The following ADGRB3 variants were observed in gnomAD, a reference collection of about 807,000 sequenced individuals.
ADGRB3 encodes the protein adhesion G protein-coupled receptor B3.
In ADGRB3, 37 loss-of-function variants were observed where a neutral mutation model predicts 193.4. The ratio of observed to expected loss-of-function variants is 0.19; its 90% CI spans 0.15 to 0.25. ADGRB3 has a LOEUF of 0.25. Ranked by LOEUF, ADGRB3 falls within the 10% of genes least tolerant of loss-of-function variation. The probability of loss-of-function intolerance (pLI) is 1.00; values close to 1 mark genes in which losing one functional copy is unlikely to be tolerated. For missense variants in ADGRB3, 1,637 were observed against 1,852.9 expected (o/e 0.88, Z 2.14); for synonymous variants, 690 against 644.2 (o/e 1.07, Z -1.08).
chr6:69,217,355 C>A (rs1765790845), intron 17 of ADGRB3, among the ~76,000 whole-genome samples: 1 of 151,964 alleles, frequency 6.6e-6, no homozygotes, highest in African/African-American at 2.4e-5. Flanking sequence ...TAAGATAAAT[C>A]TGTATAATGA....
At chr6:69,158,814 T>G (rs1774914144) in intron 17 of ADGRB3, among the ~76,000 whole-genome samples, 1 of 152,146 alleles carries the variant, frequency 6.6e-6, no homozygotes, top group African/African-American at 2.4e-5. Flanking sequence ...GGAGCTGGTC[T>G]TCTTGCAACT....
At chr6:68,852,794 A>G (rs1334304965) in intron 3 of ADGRB3, among the ~76,000 whole-genome samples, 1 of 152,036 alleles carries the variant, frequency 6.6e-6, no homozygotes, top group Middle Eastern at 3.2e-3. Context: ...AGACTAGATA[A>G]CTAATTTAGT....
chr6:68,846,803 G>A (rs1213343112), intron 3 of ADGRB3, among the ~76,000 whole-genome samples: 1 of 152,022 alleles, frequency 6.6e-6, no homozygotes, highest in Admixed American at 6.6e-5. Flanking sequence ...TAGGGTCAGA[G>A]CCCTCACACA....
At chr6:68,740,224 G>A (rs932661843) in intron 3 of ADGRB3, among the ~76,000 whole-genome samples, 7 of 152,154 alleles carry the variant, frequency 4.6e-5, no homozygotes, top group Admixed American at 3.3e-4. Flanking sequence ...AGTGTTGTGT[G>A]TCTGGGCAGG....
chr6:69,096,384 T>C (rs1302564912), intron 17 of ADGRB3, among the ~76,000 whole-genome samples: 111 of 149,288 alleles, frequency 7.4e-4, no homozygotes, highest in African/African-American at 2.6e-3. Flanking sequence ...TTTTTGCTTA[T>C]CTTTATTAAA....
intron 16 of ADGRB3, among the ~76,000 whole-genome samples, chr6:69,064,176 A>G (rs1451834347): frequency 6.6e-6 from 1 of 151,984 alleles, no homozygotes; most frequent in East Asian, 1.9e-4. Context: ...TTTTCTGTGA[A>G]TCACTTTTTC....
At chr6:69,321,035 C>T (rs1768445740) in intron 20 of ADGRB3, among the ~76,000 whole-genome samples, 1 of 151,756 alleles carries the variant, frequency 6.6e-6, no homozygotes, top group South Asian at 2.1e-4. Flanking sequence ...CTTCCCATGT[C>T]TTCATTCCTG....
chr6:69,377,083 TC>T (rs535283308), intron 30 of ADGRB3, among the ~76,000 whole-genome samples: 36 of 152,086 alleles, frequency 2.4e-4, no homozygotes, highest in Middle Eastern at 3.4e-3. Flanking sequence ...AAGGAAATCA[TC>T]CCCCTTTCAC....
In ADGRB3 at chr6:69,064,446, C is replaced by T. The variant is rs375776871; in HGVS notation, c.2436+1410C>T. The stretch of plus-strand genomic sequence containing the variant: ...TACTAGTTCTATCTAACCTTAAGAA[C>T]GTGTTTTAGTTCTACAATATCTACC... On this transcript the variant is annotated intron_variant, in intron 16 of 31. Transcript: ENST00000370598. 1.3e-3 allele frequency among the ~76,000 whole-genome samples: 190 copies of T among 151,904 alleles called. 1 individual carries two copies. The highest frequency in any genetic ancestry group is 4.5e-3 in the African/African-American group (187 of 41,500).
chr6:68,644,459 C>T (rs1768156577), intron 3 of ADGRB3, among the ~76,000 whole-genome samples: 1 of 152,038 alleles, frequency 6.6e-6, no homozygotes, highest in Admixed American at 6.6e-5. Flanking sequence ...GACTTCATTT[C>T]TCTCTCTGTT....
chr6:69,234,992 A>G (rs1766229305), intron 18 of ADGRB3, 40 bp from the exon 19 acceptor site: 1 of 1,511,820 alleles, frequency 6.6e-7, no homozygotes, highest in Non-Finnish European at 9.2e-7. Flanking sequence ...TAATTTATTA[A>G]AAACCAATTT....
chr6:69,033,496 C>A (rs1232472316), intron 13 of ADGRB3, among the ~76,000 whole-genome samples: 2 of 152,106 alleles, frequency 1.3e-5, no homozygotes, highest in Non-Finnish European at 2.9e-5. Flanking sequence ...TAACTGAAGT[C>A]TTTTGAATAG....
intron 28 of ADGRB3, among the ~76,000 whole-genome samples, chr6:69,359,709 A>G (rs546119533): frequency 6.6e-6 from 1 of 151,938 alleles, no homozygotes; most frequent in Non-Finnish European, 1.5e-5. Flanking sequence ...TTTTATGAGG[A>G]GACAATAAAC....
intron 8 of ADGRB3, among the ~76,000 whole-genome samples, chr6:68,963,918 C>T (rs1452397752): frequency 2.0e-5 from 3 of 152,118 alleles, no homozygotes; most frequent in East Asian, 1.9e-4. Flanking sequence ...CCTTCTGAAT[C>T]CCTGATTCTT....
chr6:68,659,416 G>T (rs1266285822), intron 3 of ADGRB3, among the ~76,000 whole-genome samples: 6 of 149,962 alleles, frequency 4.0e-5, no homozygotes, highest in African/African-American at 9.7e-5. Context: ...TTAATTATCT[G>T]TAAAGTACAT....
In ADGRB3 at chr6:68,764,175, A is replaced by G. The variant is rs1426989452; in HGVS notation, c.757+124743A>G. 5.3e-5 allele frequency among the ~76,000 whole-genome samples: 8 copies of G among 152,342 alleles called. No individual in the cohort carries two copies. The East Asian group carries it at 9.6e-4, about 18-fold the overall frequency. ...CTCTCATGCGATCTCGACCATCAGTATTTAATGTTCTTGCCAAGATCTGGT... is the reference window on the plus strand; with the variant it reads ...CTCTCATGCGATCTCGACCATCAGTGTTTAATGTTCTTGCCAAGATCTGGT... On this transcript the variant is annotated intron_variant, in intron 3 of 31. Transcript: ENST00000370598.
chr6:69,123,162 A>G (rs984006804), intron 17 of ADGRB3, among the ~76,000 whole-genome samples: 1 of 152,148 alleles, frequency 6.6e-6, no homozygotes, highest in African/African-American at 2.4e-5. Flanking sequence ...AGGGATAAAT[A>G]TGCACAATAT....
At chr6:69,185,002 A>T (rs1340871754) in intron 17 of ADGRB3, among the ~76,000 whole-genome samples, 3 of 152,164 alleles carry the variant, frequency 2.0e-5, no homozygotes, top group Non-Finnish European at 4.4e-5. Context: ...TTAGACACAC[A>T]TAGAATTAGA....
At chr6:69,080,275 A>G (rs1371373648) in intron 17 of ADGRB3, among the ~76,000 whole-genome samples, 1 of 152,062 alleles carries the variant, frequency 6.6e-6, no homozygotes, top group Non-Finnish European at 1.5e-5. Context: ...AGGAAGACAC[A>G]ATATTATATG....
Sources: allele counts gnomAD v4.1 joint callset (sites outside exome capture counted in the v4.1 genomes callset), GRCh38; gene constraint gnomAD v4.1.1; transcripts MANE v1.5; gene names NCBI Gene and HGNC (gene_info 2026-07-23, HGNC 2026-07-21).